ADGRE1: variants seen among roughly 807,000 people sequenced by gnomAD.
The protein encoded by ADGRE1 is adhesion G protein-coupled receptor E1, also known as EGF-like module receptor 1.
A neutral mutation model predicts 102.7 loss-of-function variants in ADGRE1; 82 were observed. The observed-to-expected ratio is 0.80, with a 90% CI of 0.67 to 0.96. The LOEUF (loss-of-function observed/expected upper bound fraction) is 0.96. Among genes scored for constraint, ADGRE1 ranks in the 40% least tolerant of loss-of-function variants. The pLI is 0.00. For missense variants in ADGRE1, 1,032 were observed against 1,085.3 expected (o/e 0.95, Z 0.69); for synonymous variants, 398 against 399.6 (o/e 1.00, Z 0.05).
chr19:6,899,943 A>T (rs1973706011), intron 5 of ADGRE1, among the ~76,000 whole-genome samples: 1 of 151,552 alleles, frequency 6.6e-6, no homozygotes, highest in Non-Finnish European at 1.5e-5. Flanking sequence ...ATACAAAAAA[A>T]AATAGCTGGG....
intron 18 of ADGRE1, among the ~76,000 whole-genome samples, chr19:6,936,784 G>A (rs1054211334): frequency 3.3e-5 from 5 of 151,908 alleles, no homozygotes; most frequent in East Asian, 1.9e-4. Context: ...CACCGTGCCC[G>A]GCTAATTTTT....
intron 3 of ADGRE1, chr19:6,896,945 A>G (rs1973576819): frequency 1.7e-6 from 1 of 577,896 alleles, no homozygotes; most frequent in African/African-American, 1.9e-5. Flanking sequence ...TGATATTTTT[A>G]TGACCTAGTG....
At chr19:6,939,980 T>C in intron 20 of ADGRE1, 44 bp from the exon 21 acceptor site, 1 of 1,611,528 alleles carries the variant, frequency 6.2e-7, no homozygotes. Context: ...ACGTTTGTAT[T>C]AATTCTGCTG....
Position 6,937,644 on chromosome 19 carries a change from A to G in ADGRE1, c.2651A>G (p.Lys884Arg). 1 of 1,613,890 alleles carries G rather than the reference A, an allele frequency of 6.2e-7. No individual in the cohort carries two copies. The highest frequency in any genetic ancestry group is 1.1e-5 in the South Asian group (1 of 91,068). ...ILLSSMPSAS[K>R]TG The stretch of plus-strand genomic sequence containing the variant: ...CTGTCCTCCATGCCATCCGCTTCCA[A>G]GACGGTGAGAGACTGCATGCTCCCT... Residue 884 changes from lysine (K) to arginine (R), a missense_variant, in exon 20 of 21, where the codon AAG becomes AGG. Coordinates refer to ENST00000312053, the MANE Select transcript of ADGRE1 (RefSeq NM_001974.5).
At chr19:6,922,725 A>C (rs944637589) in intron 14 of ADGRE1, among the ~76,000 whole-genome samples, 1 of 152,072 alleles carries the variant, frequency 6.6e-6, no homozygotes, top group Non-Finnish European at 1.5e-5. Context: ...AATATGAAAT[A>C]AGCCTTGGTA....
At chr19:6,920,515 G>GTTTTTTTTTT (rs1568355076) in intron 13 of ADGRE1, among the ~76,000 whole-genome samples, 2 of 67,982 alleles carry the variant, frequency 2.9e-5, no homozygotes, top group Non-Finnish European at 6.8e-5. Context: ...CACCATGCCC[G>GTTTTTTTTTT]CTTTTTTTTT....
chr19:6,897,556 G>T lies in ADGRE1; in HGVS notation c.514+9G>T. ...AAACTCCACCTGTGAAGGTATCCATGACCATCTCTTTATTATTTACCTACT... is the reference window on the plus strand; with the variant it reads ...AAACTCCACCTGTGAAGGTATCCATTACCATCTCTTTATTATTTACCTACT... On this transcript the variant is annotated intron_variant, in intron 5 of 20. Coordinates refer to ENST00000312053, the MANE Select transcript of ADGRE1 (RefSeq NM_001974.5). 1 of 1,533,980 alleles carries T rather than the reference G, an allele frequency of 6.5e-7. No individual in the cohort carries two copies. The highest frequency in any genetic ancestry group is 1.3e-5 in the South Asian group (1 of 76,404).
At chr19:6,896,856 C>A in intron 3 of ADGRE1, 1 of 478,216 alleles carries the variant, frequency 2.1e-6, no homozygotes. Context: ...TGTAAAATTT[C>A]ATGGATGGTT....
rs75401272 is a variant in ADGRE1, at chr19:6,920,656, G to A, written c.1620+909G>A. On this transcript the variant is annotated intron_variant, in intron 13 of 20. Transcript: ENST00000312053. ...CTCCCGAGTAGCTGGGATTACGGGTGCCCACCACATGCCCAGCTAACTTTT... is the reference window on the plus strand; with the variant it reads ...CTCCCGAGTAGCTGGGATTACGGGTACCCACCACATGCCCAGCTAACTTTT... 2.5e-4 allele frequency among the ~76,000 whole-genome samples: 38 copies of A among 150,816 alleles called. 1 individual carries two copies. The East Asian group carries it at 7.3e-3, about 29-fold the overall frequency.
intron 17 of ADGRE1, 35 bp downstream of exon 17, chr19:6,928,246 T>G (rs753129230): frequency 3.7e-5 from 60 of 1,613,960 alleles, no homozygotes; most frequent in Non-Finnish European, 5.1e-6. Flanking sequence ...GCGAAGTGTG[T>G]TCTGAAGGAG....
chr19:6,898,473 C>T, intron 5 of ADGRE1: 1 of 1,588,198 alleles, frequency 6.3e-7, no homozygotes, highest in South Asian at 1.1e-5. Context: ...GTGATGCCCT[C>T]AGGTTCCCAG....
At chr19:6,892,424 A>C (rs1973414398) in intron 2 of ADGRE1, among the ~76,000 whole-genome samples, 1 of 152,040 alleles carries the variant, frequency 6.6e-6, no homozygotes, top group Non-Finnish European at 1.5e-5. Context: ...TCCATCGGCA[A>C]ATTTTGTTAG....
intron 14 of ADGRE1, among the ~76,000 whole-genome samples, chr19:6,923,205 A>G (rs1405746131): frequency 1.3e-5 from 2 of 152,204 alleles, no homozygotes; most frequent in African/African-American, 4.8e-5. Flanking sequence ...ATCCAGAACA[A>G]AACTGACTTA....
chr19:6,898,539 G>A (rs34835737), intron 5 of ADGRE1: 10 of 1,534,030 alleles, frequency 6.5e-6, no homozygotes, highest in East Asian at 4.5e-5. Flanking sequence ...TTTCTGAACT[G>A]AGGCACCCAA....
Position 6,924,825 on chromosome 19 carries a change from T to A in ADGRE1, c.1939T>A (p.Leu647Met). The change falls in exon 15 of 21, where the codon TTG (leucine) becomes ATG (methionine). Residue 647 changes from leucine to methionine, a missense_variant. Transcript: ENST00000312053. ...LHLHLCVCLL[L>M]AKTLFLAGIH... ...CCTGCACCTCTGCGTGTGTCTCCTCTTGGCGAAGACTCTCTTCCTCGCCGG... is the reference window on the plus strand; with the variant it reads ...CCTGCACCTCTGCGTGTGTCTCCTCATGGCGAAGACTCTCTTCCTCGCCGG... 1 of 1,614,168 alleles carries A rather than the reference T, an allele frequency of 6.2e-7. No homozygotes were observed. The highest frequency in any genetic ancestry group is 2.2e-5 in the East Asian group (1 of 44,866).
chr19:6,899,187 C>T (rs776178889), intron 5 of ADGRE1, among the ~76,000 whole-genome samples: 3 of 152,026 alleles, frequency 2.0e-5, no homozygotes, highest in Non-Finnish European at 2.9e-5. Context: ...GTCTCCAGAC[C>T]GATATTTTCC....
At position 6,908,676 on chromosome 19, in the gene ADGRE1, TTC is replaced by T; in HGVS notation, c.1039-11_1039-10del. On this transcript the variant is annotated splice_polypyrimidine_tract_variant and intron_variant, in intron 9 of 20. Transcript: ENST00000312053. ...GCTCACAAATGCTCTTTTTTTTTTT[TTC>T]TGGGACGCAGGTCTCCTTTTGTGCA... The T allele has an allele frequency of 6.3e-7, 1 of 1,580,696 alleles. No homozygotes were observed. The highest frequency in any genetic ancestry group is 8.5e-7 in the Non-Finnish European group (1 of 1,170,548).
At chr19:6,934,698 G>C (rs252549) in intron 17 of ADGRE1, among the ~76,000 whole-genome samples, 3 of 148,564 alleles carry the variant, frequency 2.0e-5, no homozygotes, top group East Asian at 3.9e-4. Flanking sequence ...CCCAGGTTCA[G>C]GTGATTCCCC....
Position 6,935,694 on chromosome 19 carries a change from C to T in ADGRE1, c.2381+616C>T, listed in dbSNP as rs142355496. ...CCCTTGTAGGTAAATCCTTCCACACCATGGTTATTTAATTACAACACTAAA... is the reference window on the plus strand; with the variant it reads ...CCCTTGTAGGTAAATCCTTCCACACTATGGTTATTTAATTACAACACTAAA... On this transcript the variant is annotated intron_variant, in intron 18 of 20. Coordinates refer to ENST00000312053, the MANE Select transcript of ADGRE1 (RefSeq NM_001974.5). Among the ~76,000 whole-genome samples the T allele has an allele frequency of 6.7e-3, 1,020 of 152,186 alleles. 7 individuals are homozygous for T. The highest frequency in any genetic ancestry group is 0.024 in the African/African-American group (982 of 41,508).
Sources: allele counts gnomAD v4.1 joint callset (sites outside exome capture counted in the v4.1 genomes callset), GRCh38; gene constraint gnomAD v4.1.1; transcripts MANE v1.5; gene names NCBI Gene and HGNC (gene_info 2026-07-23, HGNC 2026-07-21).